LRBA: variants seen among roughly 807,000 people sequenced by gnomAD.
The protein encoded by LRBA is LPS responsive beige-like anchor protein.
Under a neutral mutation model 330.0 loss-of-function variants are expected in LRBA, and 176 were observed. The ratio of observed to expected loss-of-function variants is 0.53; its 90% CI spans 0.47 to 0.60. The LOEUF (loss-of-function observed/expected upper bound fraction) is 0.60. Among genes scored for constraint, LRBA ranks in the 20% least tolerant of loss-of-function variants. The pLI is 0.00. For synonymous variants in LRBA, 1,230 were observed against 1,193.0 expected (o/e 1.03, Z -0.64); for missense variants, 3,259 against 3,444.8 (o/e 0.95, Z 1.35).
At chr4:150,650,792 CA>C (rs532269692) in intron 37 of LRBA, among the ~76,000 whole-genome samples, 20 of 145,266 alleles carry the variant, frequency 1.4e-4, no homozygotes, top group Non-Finnish European at 2.0e-4. Context: ...ACAAAAAGAC[CA>C]AAAAAAAAAG....
intron 37 of LRBA, among the ~76,000 whole-genome samples, chr4:150,671,043 A>T (rs5012062): frequency 0.56 from 58,029 of 103,544 alleles, 11,971 homozygotes; most frequent in Admixed American, 0.59. Flanking sequence ...TGTGTGTGTG[A>T]GAGAGAGAGA....
chr4:150,928,717 G>A, intron 3 of LRBA, 101 bp from the exon 4 acceptor site: 1 of 1,235,644 alleles, frequency 8.1e-7, no homozygotes, highest in Non-Finnish European at 1.2e-6. Context: ...TAAAGTTCTA[G>A]GTGCATGCTA....
intron 36 of LRBA, among the ~76,000 whole-genome samples, chr4:150,707,682 G>A (rs191440284): frequency 6.6e-6 from 1 of 151,652 alleles, no homozygotes; most frequent in Non-Finnish European, 1.5e-5. Context: ...ACAGTGGAAG[G>A]GGGTGAGACA....
chr4:150,955,880 A>G (rs1041680355), intron 2 of LRBA, among the ~76,000 whole-genome samples: 2 of 148,662 alleles, frequency 1.3e-5, no homozygotes, highest in Admixed American at 1.3e-4. Flanking sequence ...CAACAGAGAG[A>G]GACTCCATCT....
At chr4:150,482,962 G>A (rs1330700801) in intron 42 of LRBA, among the ~76,000 whole-genome samples, 1 of 151,636 alleles carries the variant, frequency 6.6e-6, no homozygotes, top group Admixed American at 6.6e-5. Context: ...AATCCAGTCT[G>A]GCGTATATTT....
chr4:150,360,951 T>G (rs536966140), intron 47 of LRBA, among the ~76,000 whole-genome samples: 1 of 152,340 alleles, frequency 6.6e-6, no homozygotes, highest in African/African-American at 2.4e-5. Flanking sequence ...ATCTATAAAC[T>G]TTCCATCCTT....
At chr4:150,840,221 C>T (rs1019955394) in intron 28 of LRBA, among the ~76,000 whole-genome samples, 1 of 152,206 alleles carries the variant, frequency 6.6e-6, no homozygotes, top group African/African-American at 2.4e-5. Flanking sequence ...TCTTATCAGT[C>T]ATTTGCTCAC....
chr4:150,714,575 T>C (rs1340701701), intron 36 of LRBA, among the ~76,000 whole-genome samples: 1 of 152,116 alleles, frequency 6.6e-6, no homozygotes, highest in Non-Finnish European at 1.5e-5. Flanking sequence ...AGAAATCTAT[T>C]GTACAACATG....
At chr4:150,792,871 A>T (rs1740181964) in intron 34 of LRBA, among the ~76,000 whole-genome samples, 1 of 152,146 alleles carries the variant, frequency 6.6e-6, no homozygotes, top group Non-Finnish European at 1.5e-5. Context: ...ACCTGAGGTC[A>T]GGAGTTCAAG....
chr4:150,664,035 T>C (rs1225448301), intron 37 of LRBA, among the ~76,000 whole-genome samples: 1 of 152,102 alleles, frequency 6.6e-6, no homozygotes, highest in Non-Finnish European at 1.5e-5. Flanking sequence ...TTGGTGTGGT[T>C]AGAGATGCAC....
intron 37 of LRBA, among the ~76,000 whole-genome samples, chr4:150,652,723 T>G (rs1779817839): frequency 6.6e-6 from 1 of 152,204 alleles, no homozygotes; most frequent in South Asian, 2.1e-4. Flanking sequence ...AGTGAGCATT[T>G]TACAACTTAT....
At chr4:150,960,055 T>C (rs941126380) in intron 2 of LRBA, among the ~76,000 whole-genome samples, 16 of 148,560 alleles carry the variant, frequency 1.1e-4, no homozygotes, top group Admixed American at 2.0e-4. Flanking sequence ...GCCTGGCTTA[T>C]CTATGTATTA....
intron 47 of LRBA, among the ~76,000 whole-genome samples, chr4:150,408,540 A>G (rs1224405541): frequency 6.6e-6 from 1 of 152,172 alleles, no homozygotes; most frequent in Non-Finnish European, 1.5e-5. Flanking sequence ...GTCTCATTCT[A>G]TGAGACTAGT....
At chr4:150,491,442 CAT>C (rs1001330234) in intron 40 of LRBA, among the ~76,000 whole-genome samples, 6 of 152,044 alleles carry the variant, frequency 3.9e-5, no homozygotes, top group Non-Finnish European at 7.4e-5. Flanking sequence ...TTCAGTTTCA[CAT>C]GATTATAATT....
chr4:150,827,877 CA>C (rs1040720747), intron 30 of LRBA, among the ~76,000 whole-genome samples: 6 of 152,114 alleles, frequency 3.9e-5, no homozygotes, highest in Non-Finnish European at 8.8e-5. Context: ...GCTGGGATTA[CA>C]GATGTGAGCC....
chr4:150,276,287 A>G (rs1746753831), intron 56 of LRBA, among the ~76,000 whole-genome samples: 1 of 152,212 alleles, frequency 6.6e-6, no homozygotes, highest in Non-Finnish European at 1.5e-5. Flanking sequence ...TTAACTCAAG[A>G]TGGATGAAAG....
At chr4:150,496,117 G>C (rs557129172) in intron 40 of LRBA, among the ~76,000 whole-genome samples, 1 of 152,060 alleles carries the variant, frequency 6.6e-6, no homozygotes, top group South Asian at 2.1e-4. Context: ...TTTTTTAAAA[G>C]TTTTATTTAA....
At chr4:150,567,744 T>C (rs780400742) in intron 40 of LRBA, among the ~76,000 whole-genome samples, 8 of 152,160 alleles carry the variant, frequency 5.3e-5, no homozygotes, top group Non-Finnish European at 5.9e-5. Flanking sequence ...TCTCTAGAAA[T>C]GTCATACTGT....
intron 47 of LRBA, among the ~76,000 whole-genome samples, chr4:150,368,081 T>A (rs1347280940): frequency 6.6e-6 from 1 of 152,114 alleles, no homozygotes; most frequent in Non-Finnish European, 1.5e-5. Context: ...TCCTTCAAAC[T>A]CAGCCATTAA....
Sources: allele counts gnomAD v4.1 joint callset (sites outside exome capture counted in the v4.1 genomes callset), GRCh38; gene constraint gnomAD v4.1.1; transcripts MANE v1.5; gene names NCBI Gene and HGNC (gene_info 2026-07-23, HGNC 2026-07-21).